Variants in ZC3H14 observed in about 807,000 individuals in gnomAD.
ZC3H14 encodes zinc finger CCCH-type containing 14.
Under a neutral mutation model 92.4 loss-of-function variants are expected in ZC3H14, and 31 were observed. The observed-to-expected ratio is 0.34, with a 90% CI of 0.25 to 0.45. The LOEUF (loss-of-function observed/expected upper bound fraction) is 0.45. Among genes scored for constraint, ZC3H14 ranks in the 20% least tolerant of loss-of-function variants. The pLI is 1.00. For synonymous variants in ZC3H14, 321 were observed against 300.9 expected, an observed-to-expected ratio of 1.07 and a Z score of -0.69; for missense variants, 781 against 897.3, an observed-to-expected ratio of 0.87 and a Z score of 1.66.
At chr14:88,595,133 T>G (rs776263212) in intron 9 of ZC3H14, 1 of 1,603,246 alleles carries the variant, frequency 6.2e-7, no homozygotes, top group Non-Finnish European at 8.5e-7. Context: ...ATATATGATA[T>G]GTTCTAGGTA....
Position 88,572,227 on chromosome 14 carries a change from T to TAAG in ZC3H14, c.431+4_431+6dup. 6.2e-7 allele frequency: 1 copy of TAAG among 1,614,104 alleles called. No individual in the cohort carries two copies. The highest frequency in any genetic ancestry group is 8.5e-7 in the Non-Finnish European group (1 of 1,179,986). On this transcript the variant is annotated splice_region_variant and intron_variant, in intron 5 of 16. Transcript: ENST00000251038. The stretch of plus-strand genomic sequence containing the variant: ...GGAGTCAAAAACCACAAATGTCAGG[T>TAAG]AAGAGTCTGGTGTAGACCTGCTGGG...
intron 13 of ZC3H14, 115 bp from the exon 14 acceptor site, chr14:88,609,152 T>C: frequency 2.4e-6 from 3 of 1,269,374 alleles, no homozygotes; most frequent in Non-Finnish European, 2.2e-6. Flanking sequence ...TGTTGCTGTT[T>C]TTTTTGCATT....
At chr14:88,594,524 G>C in intron 9 of ZC3H14, 1 of 1,415,398 alleles carries the variant, frequency 7.1e-7, no homozygotes, top group Non-Finnish European at 9.2e-7. Flanking sequence ...ATTTAGTTTT[G>C]AATTCTGACT....
At position 88,565,268 on chromosome 14, in the gene ZC3H14, A is replaced by T. The variant is rs1417130736; in HGVS notation, c.79+1575A>T. On this transcript the variant is annotated intron_variant, in intron 2 of 16. Coordinates refer to ENST00000251038, the MANE Select transcript of ZC3H14 (RefSeq NM_024824.5). Reference sequence around the variant, plus strand: ...GCGATTCTTTTGCCTCAGCCTCCCGAGTAGCTGGGATTACAGGCATCTGCC... The same window carrying T: ...GCGATTCTTTTGCCTCAGCCTCCCGTGTAGCTGGGATTACAGGCATCTGCC... 2.0e-5 allele frequency among the ~76,000 whole-genome samples: 3 copies of T among 152,038 alleles called. No individual in the cohort carries two copies. The East Asian group carries it at 5.8e-4, about 29-fold the overall frequency.
intron 1 of ZC3H14, chr14:88,563,407 T>C (rs2079121950): frequency 2.1e-6 from 3 of 1,429,956 alleles, no homozygotes; most frequent in Non-Finnish European, 2.7e-6. Flanking sequence ...CAGGCCCGGC[T>C]GGAGCCACCA....
At chr14:88,611,062 T>A in intron 16 of ZC3H14, 122 bp downstream of exon 16, 1 of 977,396 alleles carries the variant, frequency 1.0e-6, no homozygotes, top group Non-Finnish European at 1.6e-6. Flanking sequence ...TTTTCTTTGC[T>A]GTTTAATTAT....
At chr14:88,565,137 TTTG>T (rs952075120) in intron 2 of ZC3H14, among the ~76,000 whole-genome samples, 1 of 152,098 alleles carries the variant, frequency 6.6e-6, no homozygotes, top group Non-Finnish European at 1.5e-5. Flanking sequence ...TTAAAAAAAA[TTTG>T]TTATTATTAT....
Position 88,621,301 on chromosome 14 carries a change from C to T in ZC3H14, c.*9550C>T, listed in dbSNP as rs2088867430. 3 of 1,613,678 alleles carry T rather than the reference C, an allele frequency of 1.9e-6. No homozygotes were observed. Among genetic ancestry groups the T allele is most frequent in the Admixed American group, 1.7e-5 (1 of 59,986 alleles). ...TTCCTTGTCCCAACAAGGATCTTGC[C>T]CTGAAACACAAGCAGGACCAATACA... On this transcript the variant is annotated 3_prime_UTR_variant, in exon 17 of 17. Coordinates refer to ENST00000251038, the MANE Select transcript of ZC3H14 (RefSeq NM_024824.5).
Position 88,603,035 on chromosome 14 carries a change from GGACCC to G in ZC3H14, c.1723_1727del (p.Asp575LysfsTer3). 1.2e-6 allele frequency: 2 copies of G among 1,614,196 alleles called. No homozygotes were observed. Among genetic ancestry groups the G allele is most frequent in the Non-Finnish European group, 1.7e-6 (2 of 1,180,034 alleles). ...TGCACTTGCTGAGCAGGCAGCTTGAGGACCCAAATGGTAGCTTTTCTAACGGTGTG... is the reference window on the plus strand; with the variant it reads ...TGCACTTGCTGAGCAGGCAGCTTGAGAAATGGTAGCTTTTCTAACGGTGTG... On this transcript the variant is annotated frameshift_variant, in exon 12 of 17. Coordinates refer to ENST00000251038, the MANE Select transcript of ZC3H14 (RefSeq NM_024824.5). LOFTEE classifies it high-confidence loss of function.
chr14:88,622,895 A>T lies in ZC3H14; in HGVS notation c.*11144A>T. 1 of 429,662 alleles carries T rather than the reference A, an allele frequency of 2.3e-6. No individual in the cohort carries two copies. 26.6% of individuals were successfully genotyped at this position (429,662 alleles called of 1,614,324 possible). A position where few individuals can be genotyped will look rare whatever the true frequency, so the allele number is the denominator to read the frequency against. ...GCAATTTGAGGATATACTATATCTCAGTCAAAATAAACATCCAGTTTCAGT... is the reference window on the plus strand; with the variant it reads ...GCAATTTGAGGATATACTATATCTCTGTCAAAATAAACATCCAGTTTCAGT... On this transcript the variant is annotated 3_prime_UTR_variant, in exon 17 of 17. Transcript: ENST00000251038.
chr14:88,605,650 C>T (rs558291313), intron 12 of ZC3H14, among the ~76,000 whole-genome samples: 6 of 152,276 alleles, frequency 3.9e-5, no homozygotes, highest in South Asian at 2.1e-4. Flanking sequence ...TTAAATAGGA[C>T]TTTTACTATT....
intron 8 of ZC3H14, 82 bp downstream of exon 8, chr14:88,576,022 T>G: frequency 8.0e-7 from 1 of 1,255,486 alleles, no homozygotes; most frequent in Non-Finnish European, 1.1e-6. Flanking sequence ...CTCCTTAAAT[T>G]GTAAAATAAA....
rs1021721044 is a variant in ZC3H14, at chr14:88,604,418, C to T, written c.1747+1358C>T. Among the ~76,000 whole-genome samples the T allele has an allele frequency of 3.0e-4, 45 of 152,108 alleles. 1 individual carries two copies. Among genetic ancestry groups the T allele is most frequent in the Admixed American group, 2.4e-3 (37 of 15,274 alleles). On this transcript the variant is annotated intron_variant, in intron 12 of 16. Coordinates refer to ENST00000251038, the MANE Select transcript of ZC3H14 (RefSeq NM_024824.5). ...GGAGAGACTCCTGCAGAACAGTTCT[C>T]AGGAGTCTCTAGTCTCTGCACCACT...
At position 88,620,857 on chromosome 14, in the gene ZC3H14, C is replaced by T; in HGVS notation, c.*9106C>T. On this transcript the variant is annotated 3_prime_UTR_variant, in exon 17 of 17. Transcript: ENST00000251038. This position sits in a 1 kb window ranked among gnomAD's most constrained non-coding sequence, Gnocchi z 4.3. ...TCTCCATTTTTCATTCCAATAGCCA[C>T]CATGTCCCCTTCAGGGCTGTAACAC... The T allele has an allele frequency of 6.3e-7, 1 of 1,589,212 alleles. No homozygotes were observed. The highest frequency in any genetic ancestry group is 8.6e-7 in the Non-Finnish European group (1 of 1,166,920).
chr14:88,585,753 A>G (rs986654720), intron 9 of ZC3H14, among the ~76,000 whole-genome samples: 13 of 152,216 alleles, frequency 8.5e-5, no homozygotes, highest in Admixed American at 6.5e-4. Context: ...TTAGTATTCT[A>G]AAAGTTAATA....
rs776883239 is a variant in ZC3H14 at position 88,624,059 on chromosome 14, AT to A, written c.*12309del. ...TGAAATGTACTTCTTAGTCAACTAT[AT>A]GTCACATTTTTTTTTGTTTTTGTTT... On this transcript the variant is annotated 3_prime_UTR_variant, in exon 17 of 17. Transcript: ENST00000251038. 1 of 152,154 alleles carries A rather than the reference AT, an allele frequency of 6.6e-6. No homozygotes were observed. The highest frequency in any genetic ancestry group is 1.9e-4 in the East Asian group (1 of 5,156). The allele number at this position is 152,154 out of a possible 1,614,324, so 9.4% of individuals were successfully genotyped here. A position where few individuals can be genotyped will look rare whatever the true frequency, so the allele number is the denominator to read the frequency against.
chr14:88,577,100 A>G (rs1473461339), intron 8 of ZC3H14, among the ~76,000 whole-genome samples: 1 of 152,048 alleles, frequency 6.6e-6, no homozygotes, highest in Non-Finnish European at 1.5e-5. Flanking sequence ...TGGCACCATC[A>G]GTTTTTGATC....
rs973293025 is a variant in ZC3H14 at position 88,612,029 on chromosome 14, G to C, written c.*278G>C. 7.3e-5 allele frequency: 35 copies of C among 478,072 alleles called. No individual in the cohort carries two copies. Among genetic ancestry groups the C allele is most frequent in the Non-Finnish European group, 1.3e-4 (34 of 266,408 alleles). 29.6% of individuals were successfully genotyped at this position (478,072 alleles called of 1,614,324 possible). On this transcript the variant is annotated 3_prime_UTR_variant, in exon 17 of 17. Transcript: ENST00000251038. ...AATATTTGGGGCATGTTTGTGCACT[G>C]CTGTTGTGAGGATCAGCATATGAAA... is the stretch of plus-strand genomic sequence containing the variant.
chr14:88,605,732 G>A (rs150519361), intron 12 of ZC3H14, among the ~76,000 whole-genome samples: 3 of 152,316 alleles, frequency 2.0e-5, no homozygotes, highest in Non-Finnish European at 2.9e-5. Flanking sequence ...TCCTATCTGG[G>A]CTGCATGACT....
Sources: allele counts gnomAD v4.1 joint callset (sites outside exome capture counted in the v4.1 genomes callset), GRCh38; gene constraint gnomAD v4.1.1; non-coding constraint Gnocchi (gnomAD v3.1); transcripts MANE v1.5; gene names NCBI Gene and HGNC (gene_info 2026-07-23, HGNC 2026-07-21).